Variants in PCDH15 observed in about 807,000 individuals in gnomAD.
PCDH15 encodes protocadherin-15.
Under a neutral mutation model 178.5 loss-of-function variants are expected in PCDH15, and 129 were observed. The observed-to-expected ratio is 0.72, with a 90% CI of 0.63 to 0.84. PCDH15 has a LOEUF of 0.84. PCDH15 is among the 40% of genes least tolerant of loss of function. The pLI is 0.00. For missense variants in PCDH15, 2,230 were observed against 2,099.9 expected, an observed-to-expected ratio of 1.06 and a Z score of -1.21; for synonymous variants, 800 against 732.0, an observed-to-expected ratio of 1.09 and a Z score of -1.50.
chr10:53,915,453 A>G (rs2921921), intron 25 of PCDH15, among the ~76,000 whole-genome samples: 115,601 of 152,204 alleles, frequency 0.76, 44,552 homozygotes, highest in East Asian at 1. Flanking sequence ...TTTGCATAAT[A>G]TTAATTGCTT....
At chr10:54,585,144 T>C (rs927301802) in intron 2 of PCDH15, among the ~76,000 whole-genome samples, 4 of 149,692 alleles carry the variant, frequency 2.7e-5, no homozygotes, top group Non-Finnish European at 5.9e-5. Context: ...TCTTTAAAAC[T>C]GTAAATGACC....
chr10:54,006,337 T>C lies in PCDH15; in HGVS notation c.2752-10572A>G, dbSNP rs548394359. On this transcript the variant is annotated intron_variant, in intron 20 of 37. Transcript: ENST00000644397. ...AAGAGAGGGAAACATTTGAAAGCCATACTTCAAAGCAACCCCAACAGAACA... is the reference window on the plus strand; with the variant it reads ...AAGAGAGGGAAACATTTGAAAGCCACACTTCAAAGCAACCCCAACAGAACA... Among the ~76,000 whole-genome samples, 3 of 152,294 alleles carry C rather than the reference T, an allele frequency of 2.0e-5. No individual in the cohort carries two copies. The South Asian group carries it at 6.2e-4, about 32-fold the overall frequency.
At chr10:53,825,188 G>T in intron 32 of PCDH15, 1 of 1,515,690 alleles carries the variant, frequency 6.6e-7, no homozygotes, top group Non-Finnish European at 8.8e-7. Context: ...TAGAAAAAAA[G>T]AAGTTTTTAC....
At chr10:55,056,266 C>T (rs1841300043) in intron 2 of PCDH15, among the ~76,000 whole-genome samples, 1 of 152,136 alleles carries the variant, frequency 6.6e-6, no homozygotes, top group South Asian at 2.1e-4. Context: ...ATTAAAGTCT[C>T]ATAGGTATCA....
intron 2 of PCDH15, among the ~76,000 whole-genome samples, chr10:55,437,588 C>G (rs949649933): frequency 5.3e-5 from 8 of 151,992 alleles, no homozygotes; most frequent in Middle Eastern, 3.2e-3. Context: ...ACAGAAAGCA[C>G]TATTCATTGA....
chr10:53,843,317 A>G (rs2077772957), intron 28 of PCDH15, among the ~76,000 whole-genome samples: 1 of 152,092 alleles, frequency 6.6e-6, no homozygotes, highest in African/African-American at 2.4e-5. Context: ...ATAAAAATCT[A>G]TCTTTTCATT....
upstream of PCDH15, among the ~76,000 whole-genome samples, chr10:54,804,790 T>C (rs1443754177): frequency 6.6e-6 from 1 of 151,536 alleles, no homozygotes; most frequent in Non-Finnish European, 1.5e-5. Flanking sequence ...AAGATTACCA[T>C]AAACATTTGT....
At chr10:54,391,532 A>C (rs1589175764) in intron 3 of PCDH15, among the ~76,000 whole-genome samples, 1 of 152,240 alleles carries the variant, frequency 6.6e-6, no homozygotes, top group East Asian at 1.9e-4. Flanking sequence ...GGGGAACTAT[A>C]AGAGGTAATG....
At chr10:55,248,923 A>T (rs534064304) in intron 1 of PCDH15, among the ~76,000 whole-genome samples, 1 of 152,292 alleles carries the variant, frequency 6.6e-6, no homozygotes, top group East Asian at 1.9e-4. Flanking sequence ...TATGATTTAA[A>T]GGACTTGACA....
intron 2 of PCDH15, among the ~76,000 whole-genome samples, chr10:55,022,797 G>A (rs1299701400): frequency 1.7e-4 from 25 of 148,078 alleles, no homozygotes; most frequent in Middle Eastern, 3.4e-3. Context: ...TGCAAGCTCC[G>A]CCTCCCGCGT....
At chr10:54,265,820 T>A (rs1453493465) in intron 8 of PCDH15, among the ~76,000 whole-genome samples, 1 of 151,928 alleles carries the variant, frequency 6.6e-6, no homozygotes, top group African/African-American at 2.4e-5. Flanking sequence ...AGCCCCTCAG[T>A]AATAACTGGG....
chr10:53,853,535 G>C (rs2078531740), intron 28 of PCDH15, among the ~76,000 whole-genome samples: 1 of 151,956 alleles, frequency 6.6e-6, no homozygotes, highest in Non-Finnish European at 1.5e-5. Context: ...TAAGGGATTA[G>C]TATCTAATAT....
Position 53,957,700 on chromosome 10 carries a change from T to C in PCDH15, c.3122+2032A>G, listed in dbSNP as rs116085200. ...CTGGAATTTTCCACTTAATATTTTC[T>C]GACCACGGTTGACCTCGGGCAACAA... is the stretch of plus-strand genomic sequence containing the variant. On this transcript the variant is annotated intron_variant, in intron 23 of 37. Transcript: ENST00000644397. 2.2e-3 allele frequency among the ~76,000 whole-genome samples: 332 copies of C among 152,190 alleles called. 2 individuals are homozygous for C. Among genetic ancestry groups the C allele is most frequent in the African/African-American group, 7.5e-3 (310 of 41,526 alleles).
At chr10:54,769,618 A>T (rs1366020551) in intron 1 of PCDH15, among the ~76,000 whole-genome samples, 1 of 152,006 alleles carries the variant, frequency 6.6e-6, no homozygotes, top group Non-Finnish European at 1.5e-5. Context: ...ACAAAATGCC[A>T]TGAGAAAGCA....
At chr10:54,082,127 C>A (rs769242798) in intron 16 of PCDH15, among the ~76,000 whole-genome samples, 1 of 152,124 alleles carries the variant, frequency 6.6e-6, no homozygotes, top group Non-Finnish European at 1.5e-5. Flanking sequence ...CTGGAGGGAG[C>A]GAGCTATCCT....
chr10:55,369,116 T>C (rs1373637161), intron 2 of PCDH15, among the ~76,000 whole-genome samples: 6 of 151,694 alleles, frequency 4.0e-5, no homozygotes, highest in Admixed American at 2.6e-4. Context: ...TCAGTTTCTA[T>C]TCATATTTCT....
chr10:55,175,961 C>T (rs576019079), intron 1 of PCDH15, among the ~76,000 whole-genome samples: 4 of 151,956 alleles, frequency 2.6e-5, no homozygotes, highest in Admixed American at 6.5e-5. Flanking sequence ...CAGTGGGGAC[C>T]ACTGTAGGGT....
chr10:55,067,973 T>C lies in PCDH15; in HGVS notation c.-80+98603A>G, dbSNP rs1179242171. Reference sequence around the variant, plus strand: ...ACTGTTGACTTGTTTGAATTTCTTGTATATTCTGAATATTGTTCTCCTGTA... The same window carrying C: ...ACTGTTGACTTGTTTGAATTTCTTGCATATTCTGAATATTGTTCTCCTGTA... On this transcript the variant is annotated intron_variant, in intron 2 of 5. Transcript: ENST00000458638. Among the ~76,000 whole-genome samples, 3 of 152,124 alleles carry C rather than the reference T, an allele frequency of 2.0e-5. No homozygotes were observed. The East Asian group carries it at 5.8e-4, about 29-fold the overall frequency.
intron 16 of PCDH15, among the ~76,000 whole-genome samples, chr10:54,082,171 C>T (rs1365626065): frequency 6.6e-6 from 1 of 152,148 alleles, no homozygotes; most frequent in Non-Finnish European, 1.5e-5. Context: ...CTATTCTAGT[C>T]TGTCTGGAGA....
Sources: gnomAD v4.1 joint callset for allele counts (sites outside exome capture counted in the v4.1 genomes callset) on GRCh38, gnomAD v4.1.1 for gene constraint, MANE v1.5 for transcripts, NCBI Gene and HGNC (gene_info 2026-07-23, HGNC 2026-07-21) for gene names.